Variants in CEP128 observed in about 807,000 individuals in gnomAD.
The protein encoded by CEP128 is centrosomal protein 128kDa.
Under a neutral mutation model 156.7 loss-of-function variants are expected in CEP128, and 132 were observed. The observed-to-expected ratio is 0.84, with a 90% CI of 0.73 to 0.97. The LOEUF is 0.97. CEP128 is among the 50% of genes least tolerant of loss of function. The probability of loss-of-function intolerance (pLI) is 0.00; values close to 1 mark genes in which losing one functional copy is unlikely to be tolerated. For missense variants in CEP128, 1,252 were observed against 1,281.9 expected (o/e 0.98, Z 0.36); for synonymous variants, 469 against 448.9 (o/e 1.04, Z -0.57).
At chr14:80,684,197 C>T (rs1444008976) in intron 19 of CEP128, among the ~76,000 whole-genome samples, 4 of 151,842 alleles carry the variant, frequency 2.6e-5, no homozygotes, top group African/African-American at 9.7e-5. Context: ...AGACCACTAA[C>T]TAGATTAACA....
intron 18 of CEP128, 107 bp from the exon 19 acceptor site, chr14:80,743,374 T>A: frequency 1.0e-6 from 1 of 992,310 alleles, no homozygotes; most frequent in Non-Finnish European, 1.4e-6. Flanking sequence ...ATATAGATAA[T>A]TACCAAATTT....
chr14:80,498,855 G>A (rs1887610900), intron 24 of CEP128, among the ~76,000 whole-genome samples: 1 of 152,222 alleles, frequency 6.6e-6, no homozygotes, highest in South Asian at 2.1e-4. Context: ...AATACTGGTT[G>A]AACAACTGAA....
At chr14:80,880,902 A>ATTATT (rs1566689631) in intron 8 of CEP128, among the ~76,000 whole-genome samples, 10 of 136,410 alleles carry the variant, frequency 7.3e-5, no homozygotes, top group African/African-American at 2.4e-4. Context: ...TAATAATAAT[A>ATTATT]ATAATAATTT....
At chr14:80,723,463 T>C (rs1426854661) in intron 19 of CEP128, among the ~76,000 whole-genome samples, 1 of 152,216 alleles carries the variant, frequency 6.6e-6, no homozygotes, top group African/African-American at 2.4e-5. Context: ...GTGAAGTTAT[T>C]TGCCTCAAAA....
intron 21 of CEP128, among the ~76,000 whole-genome samples, chr14:80,549,954 T>C (rs1324869051): frequency 1.3e-5 from 2 of 152,216 alleles, no homozygotes; most frequent in African/African-American, 4.8e-5. Flanking sequence ...GTAATTTCCA[T>C]AGAGACACAT....
intron 19 of CEP128, among the ~76,000 whole-genome samples, chr14:80,584,107 C>T (rs139575623): frequency 6.6e-4 from 99 of 149,960 alleles, no homozygotes; most frequent in African/African-American, 2.3e-3. Context: ...TTCTGACCTG[C>T]TTTAAAAGTT....
At chr14:80,896,507 C>A in intron 7 of CEP128, among the ~76,000 whole-genome samples, 1 of 152,092 alleles carries the variant, frequency 6.6e-6, no homozygotes. Context: ...TCTCTAATTT[C>A]AGATTATGTT....
intron 19 of CEP128, among the ~76,000 whole-genome samples, chr14:80,690,726 C>T (rs551793966): frequency 6.6e-6 from 1 of 152,328 alleles, no homozygotes; most frequent in East Asian, 1.9e-4. Flanking sequence ...ACAACTACTA[C>T]TTAGTGGCTT....
At chr14:80,813,698 A>C (rs1159748189) in intron 13 of CEP128, among the ~76,000 whole-genome samples, 2 of 152,196 alleles carry the variant, frequency 1.3e-5, no homozygotes, top group Non-Finnish European at 2.9e-5. Flanking sequence ...TATTAACACA[A>C]TACACACTTT....
At chr14:80,726,811 A>G (rs1898036903) in intron 19 of CEP128, among the ~76,000 whole-genome samples, 1 of 152,218 alleles carries the variant, frequency 6.6e-6, no homozygotes, top group African/African-American at 2.4e-5. Context: ...AAAGGAAGAG[A>G]ATATAGTTTA....
At chr14:80,654,430 C>A (rs970692478) in intron 19 of CEP128, among the ~76,000 whole-genome samples, 1 of 152,134 alleles carries the variant, frequency 6.6e-6, no homozygotes, top group Non-Finnish European at 1.5e-5. Flanking sequence ...GAACTAGCTA[C>A]ACAGATGATA....
At chr14:80,821,008 ATT>A (rs941611535) in intron 13 of CEP128, among the ~76,000 whole-genome samples, 8 of 152,220 alleles carry the variant, frequency 5.3e-5, no homozygotes, top group African/African-American at 1.9e-4. Context: ...AATGTTGACC[ATT>A]GTTTATATTA....
intron 16 of CEP128, among the ~76,000 whole-genome samples, chr14:80,763,510 TC>T (rs1265288505): frequency 6.6e-6 from 1 of 152,204 alleles, no homozygotes; most frequent in Admixed American, 6.5e-5. Context: ...TCCCTACTGT[TC>T]CTGTGTATCT....
intron 24 of CEP128, among the ~76,000 whole-genome samples, chr14:80,501,610 T>C (rs938391226): frequency 6.6e-5 from 10 of 151,870 alleles, no homozygotes; most frequent in African/African-American, 2.4e-4. Flanking sequence ...GTTCAAGCGA[T>C]TCTTTTGCCT....
At chr14:80,920,319 G>A (rs1295833251) in intron 2 of CEP128, among the ~76,000 whole-genome samples, 1 of 152,152 alleles carries the variant, frequency 6.6e-6, no homozygotes, top group African/African-American at 2.4e-5. Context: ...AGAAACAGAT[G>A]AGAATGGAGT....
chr14:80,740,541 GAT>G (rs1898774295), intron 19 of CEP128, among the ~76,000 whole-genome samples: 2 of 146,976 alleles, frequency 1.4e-5, no homozygotes, highest in Non-Finnish European at 3.0e-5. Context: ...TAGATAGATA[GAT>G]AGACAGACAG....
chr14:80,905,585 C>G (rs898613611), intron 5 of CEP128: 4 of 176,122 alleles, frequency 2.3e-5, no homozygotes, highest in Admixed American at 1.8e-4. Context: ...TCTTAACAAG[C>G]ATCACAGGGT....
chr14:80,619,432 G>T (rs1033726860), intron 19 of CEP128, among the ~76,000 whole-genome samples: 2 of 144,446 alleles, frequency 1.4e-5, no homozygotes, highest in African/African-American at 2.6e-5. Flanking sequence ...TGGCATGGTG[G>T]CTGATGTCTG....
intron 21 of CEP128, among the ~76,000 whole-genome samples, chr14:80,553,509 T>C (rs528257343): frequency 5.9e-5 from 9 of 152,356 alleles, no homozygotes; most frequent in South Asian, 2.1e-4. Flanking sequence ...GACCGACTTA[T>C]ATATTCCTTT....
Sources: gnomAD v4.1 joint callset for allele counts (sites outside exome capture counted in the v4.1 genomes callset) on GRCh38, gnomAD v4.1.1 for gene constraint, MANE v1.5 for transcripts, NCBI Gene and HGNC (gene_info 2026-07-23, HGNC 2026-07-21) for gene names.